CCSER1: variants seen among roughly 807,000 people sequenced by gnomAD.
The protein encoded by CCSER1 is serine-rich coiled-coil domain-containing protein 1.
CCSER1 carries 41 observed loss-of-function variants against 82.0 expected under a neutral mutation model. The observed-to-expected ratio is 0.50, with a 90% confidence interval of 0.39 to 0.65. CCSER1 has a LOEUF of 0.65. Ranked by LOEUF, CCSER1 falls within the 30% of genes least tolerant of loss-of-function variation. CCSER1 has a pLI of 0.00. For missense variants in CCSER1, 1,119 were observed against 1,064.2 expected (o/e 1.05, Z -0.72); for synonymous variants, 414 against 383.9 (o/e 1.08, Z -0.92).
chr4:91,268,636 TC>T (rs2149177861), intron 10 of CCSER1, among the ~76,000 whole-genome samples: 1 of 152,034 alleles, frequency 6.6e-6, no homozygotes, highest in East Asian at 1.9e-4. Flanking sequence ...GCTGGCTGAG[TC>T]CGTAAAGACA....
In CCSER1 at chr4:90,138,336, T is replaced by C. The variant is rs576722832; in HGVS notation, c.-42+10505T>C. 4.6e-5 allele frequency among the ~76,000 whole-genome samples: 7 copies of C among 152,226 alleles called. No individual in the cohort carries two copies. In the East Asian group the frequency reaches 1.4e-3, roughly 29 times the overall value. On this transcript the variant is annotated intron_variant, in intron 1 of 10. Transcript: ENST00000509176. Reference sequence around the variant, plus strand: ...CCTCCCGAGTAGCTGGGATTACAGGTGCGCCCCACTACGCCCAACTAAGAA... The same window carrying C: ...CCTCCCGAGTAGCTGGGATTACAGGCGCGCCCCACTACGCCCAACTAAGAA...
At chr4:91,062,568 C>T (rs1039537314) in intron 9 of CCSER1, among the ~76,000 whole-genome samples, 4 of 152,034 alleles carry the variant, frequency 2.6e-5, no homozygotes, top group South Asian at 2.1e-4. Flanking sequence ...TGGACTAGCT[C>T]GTAGGTACAC....
intron 4 of CCSER1, among the ~76,000 whole-genome samples, chr4:90,401,370 T>G (rs1166216921): frequency 6.6e-6 from 1 of 152,198 alleles, no homozygotes; most frequent in African/African-American, 2.4e-5. Flanking sequence ...ATGCATATAA[T>G]TATTCACTGC....
chr4:90,874,465 T>C (rs2150044722), intron 8 of CCSER1, among the ~76,000 whole-genome samples: 1 of 152,208 alleles, frequency 6.6e-6, no homozygotes, highest in Non-Finnish European at 1.5e-5. Context: ...ATGGGGTTTC[T>C]ATTTTGATGC....
chr4:90,860,858 G>C (rs1353898282), intron 8 of CCSER1, among the ~76,000 whole-genome samples: 1 of 151,658 alleles, frequency 6.6e-6, no homozygotes, highest in East Asian at 1.9e-4. Context: ...GGGAATGGAG[G>C]AGTGGGGAAT....
intron 10 of CCSER1, among the ~76,000 whole-genome samples, chr4:91,411,497 T>TATATATATATATATATATATAC (rs1268165077): frequency 1.7e-5 from 1 of 59,600 alleles, no homozygotes; most frequent in African/African-American, 5.8e-5. Flanking sequence ...TATACATATA[T>TATATATATATATATATATATAC]ATATATATAT....
rs552718521 is a variant in CCSER1, at chr4:91,081,967, T to C, written c.2173-3983T>C. On this transcript the variant is annotated intron_variant, in intron 9 of 10. Coordinates refer to ENST00000509176, the MANE Select transcript of CCSER1 (RefSeq NM_001145065.2). ...TGCTCATGGGTAGGAAGAATCAATATCGTGAAAATGGCCATACTGCCCAAG... is the reference window on the plus strand; with the variant it reads ...TGCTCATGGGTAGGAAGAATCAATACCGTGAAAATGGCCATACTGCCCAAG... Among the ~76,000 whole-genome samples, 430 of 152,160 alleles carry C rather than the reference T, an allele frequency of 2.8e-3. 3 individuals carry two copies. Among genetic ancestry groups the C allele is most frequent in the African/African-American group, 9.9e-3 (413 of 41,508 alleles).
At chr4:90,942,526 T>A (rs1731718391) in intron 9 of CCSER1, among the ~76,000 whole-genome samples, 1 of 152,100 alleles carries the variant, frequency 6.6e-6, no homozygotes. Context: ...CAAATGATAA[T>A]AAAATATTTT....
intron 1 of CCSER1, among the ~76,000 whole-genome samples, chr4:90,189,261 C>A (rs371577010): frequency 5.9e-5 from 9 of 152,056 alleles, no homozygotes; most frequent in African/African-American, 2.2e-4. Context: ...TCAAGAAAGG[C>A]ACCTCTGAGT....
chr4:91,309,443 AAGAG>A (rs1745296507), intron 10 of CCSER1, among the ~76,000 whole-genome samples: 2 of 152,048 alleles, frequency 1.3e-5, no homozygotes, highest in African/African-American at 4.8e-5. Flanking sequence ...AATAGAAAGA[AAGAG>A]AGAAACATAC....
At position 91,106,442 on chromosome 4, in the gene CCSER1, G is replaced by A. The variant is rs375696888; in HGVS notation, c.2217+20448G>A. On this transcript the variant is annotated intron_variant, in intron 10 of 10. Coordinates refer to ENST00000509176, the MANE Select transcript of CCSER1 (RefSeq NM_001145065.2). ...GACATACCACAACTGAATAATTCTGGACTAATGGCATTCCTTGAGAGCATT... is the reference window on the plus strand; with the variant it reads ...GACATACCACAACTGAATAATTCTGAACTAATGGCATTCCTTGAGAGCATT... Among the ~76,000 whole-genome samples the A allele has an allele frequency of 8.5e-5, 13 of 152,154 alleles. No individual in the cohort carries two copies. In the East Asian group the frequency reaches 1.7e-3, roughly 20 times the overall value.
chr4:91,558,939 C>A (rs1341898222), intron 10 of CCSER1, among the ~76,000 whole-genome samples: 2 of 151,472 alleles, frequency 1.3e-5, no homozygotes, highest in African/African-American at 2.4e-5. Flanking sequence ...TTGGTAATTT[C>A]TCATCAGCTA....
At chr4:90,415,443 A>T (rs1462881596) in intron 4 of CCSER1, among the ~76,000 whole-genome samples, 3 of 152,234 alleles carry the variant, frequency 2.0e-5, no homozygotes, top group African/African-American at 7.2e-5. Flanking sequence ...TCAATATGGA[A>T]ATTAGGTAAA....
intron 9 of CCSER1, among the ~76,000 whole-genome samples, chr4:90,994,745 AT>A (rs1737341054): frequency 6.6e-6 from 1 of 152,160 alleles, no homozygotes; most frequent in East Asian, 1.9e-4. Context: ...AGCTACATGT[AT>A]TTATTGCCGA....
chr4:91,195,589 G>C (rs1342699883), intron 10 of CCSER1, among the ~76,000 whole-genome samples: 1 of 152,110 alleles, frequency 6.6e-6, no homozygotes, highest in Admixed American at 6.6e-5. Flanking sequence ...ATCAGAAGAG[G>C]CTTAACCTTC....
At chr4:90,924,093 G>T (rs1190381389) in intron 9 of CCSER1, among the ~76,000 whole-genome samples, 1 of 151,970 alleles carries the variant, frequency 6.6e-6, no homozygotes, top group East Asian at 1.9e-4. Context: ...TTTGCATTTT[G>T]CCTAAGTTCA....
chr4:90,640,550 A>T (rs949060123), intron 6 of CCSER1, among the ~76,000 whole-genome samples: 2 of 152,148 alleles, frequency 1.3e-5, no homozygotes, highest in African/African-American at 4.8e-5. Flanking sequence ...CACAGGATAC[A>T]GTTATGATAT....
rs1008253525 is a variant in CCSER1 at position 91,061,546 on chromosome 4, A to T, written c.2173-24404A>T. Among the ~76,000 whole-genome samples, 4 of 151,724 alleles carry T rather than the reference A, an allele frequency of 2.6e-5. No homozygotes were observed. The South Asian group carries it at 6.2e-4, about 24-fold the overall frequency. ...TGTTGTTTTTATTTTATTTTATTTT[A>T]TTTTTTTCTGTCTAACTTAAGATTA... is the stretch of plus-strand genomic sequence containing the variant. On this transcript the variant is annotated intron_variant, in intron 9 of 10. Coordinates refer to ENST00000509176, the MANE Select transcript of CCSER1 (RefSeq NM_001145065.2).
At chr4:91,199,538 A>G (rs1205939566) in intron 10 of CCSER1, among the ~76,000 whole-genome samples, 3 of 152,102 alleles carry the variant, frequency 2.0e-5, no homozygotes, top group Admixed American at 1.3e-4. Flanking sequence ...TAAAATTAAA[A>G]TTAATATATA....
Sources: allele counts gnomAD v4.1 joint callset (sites outside exome capture counted in the v4.1 genomes callset), GRCh38; gene constraint gnomAD v4.1.1; transcripts MANE v1.5; gene names NCBI Gene and HGNC (gene_info 2026-07-23, HGNC 2026-07-21).